CHURC1: variants seen among roughly 807,000 people sequenced by gnomAD.
The protein encoded by CHURC1 is protein Churchill.
A neutral mutation model predicts 15.4 loss-of-function variants in CHURC1; 12 were observed. The observed-to-expected ratio is 0.78, with a 90% CI of 0.50 to 1.27. CHURC1 has a LOEUF of 1.27. Ranked by LOEUF, CHURC1 falls within the 50% of genes most tolerant of loss-of-function variation. The pLI is 0.00. For missense variants in CHURC1, 132 were observed against 137.8 expected (o/e 0.96, Z 0.21); for synonymous variants, 42 against 47.5 (o/e 0.88, Z 0.48).
intron 1 of CHURC1, among the ~76,000 whole-genome samples, chr14:64,922,008 G>A (rs1884339746): frequency 6.6e-6 from 1 of 152,278 alleles, no homozygotes; most frequent in South Asian, 2.1e-4. Flanking sequence ...AAGGAAAATT[G>A]GATGCGGGAG....
At chr14:64,922,577 CAAAAAAAAAAAAA>C (rs572205182) in intron 1 of CHURC1, among the ~76,000 whole-genome samples, 1 of 84,032 alleles carries the variant, frequency 1.2e-5, no homozygotes, top group Non-Finnish European at 2.5e-5. Flanking sequence ...GACTCCGTCT[CAAAAAAAAAAAAA>C]AAAAAAAAAA....
At chr14:64,918,232 A>AT (rs1884025420) in intron 1 of CHURC1, among the ~76,000 whole-genome samples, 1 of 152,258 alleles carries the variant, frequency 6.6e-6, no homozygotes, top group Non-Finnish European at 1.5e-5. Context: ...ATGAAGAAGA[A>AT]TTAAACTTTT....
Position 64,933,304 on chromosome 14 carries a change from A to G in CHURC1, c.*1074A>G. 1 of 918,184 alleles carries G rather than the reference A, an allele frequency of 1.1e-6. No homozygotes were observed. Among genetic ancestry groups the G allele is most frequent in the South Asian group, 5.0e-5 (1 of 19,836 alleles). The allele number at this position is 918,184 out of a possible 1,614,324, so 56.9% of individuals were successfully genotyped here. A position where few individuals can be genotyped will look rare whatever the true frequency, so the allele number is the denominator to read the frequency against. On this transcript the variant is annotated 3_prime_UTR_variant, in exon 4 of 4. Coordinates refer to ENST00000549115, the MANE Select transcript of CHURC1 (RefSeq NM_001386928.1). ...GAATTATATACCACGAAAAGAAAAA[A>G]AGGTCATTTGGTAGAAACTAGGGAA...
At position 64,916,038 on chromosome 14, in the gene CHURC1, A is replaced by G. The variant is rs527307508; in HGVS notation, c.39+1504A>G. On this transcript the variant is annotated intron_variant, in intron 1 of 3. Coordinates refer to ENST00000549115, the MANE Select transcript of CHURC1 (RefSeq NM_001386928.1). ...GATGCCGCTAAACATCCAGCAATACATGGGACAGCCACCACAACAAAGTAT... is the reference window on the plus strand; with the variant it reads ...GATGCCGCTAAACATCCAGCAATACGTGGGACAGCCACCACAACAAAGTAT... 1.7e-3 allele frequency among the ~76,000 whole-genome samples: 263 copies of G among 152,330 alleles called. 1 individual carries two copies. The highest frequency in any genetic ancestry group is 2.5e-3 in the Admixed American group (38 of 15,302).
At chr14:64,927,837 G>A (rs1476896864) in intron 3 of CHURC1, among the ~76,000 whole-genome samples, 6 of 151,684 alleles carry the variant, frequency 4.0e-5, no homozygotes, top group Non-Finnish European at 7.4e-5. Context: ...TCAGGAGACT[G>A]AGGCAGGAGA....
intron 1 of CHURC1, among the ~76,000 whole-genome samples, chr14:64,921,899 A>G (rs1467306810): frequency 6.6e-6 from 1 of 152,210 alleles, no homozygotes; most frequent in African/African-American, 2.4e-5. Context: ...ATATCTACCA[A>G]CAGCTGAATC....
rs987979194 is a variant in CHURC1 at position 64,932,338 on chromosome 14, T to C, written c.*108T>C. On this transcript the variant is annotated 3_prime_UTR_variant, in exon 4 of 4. Transcript: ENST00000549115. ...ACTGAAAATTCTTTGCATATTTTTT[T>C]TCTGCTTAGACTTACTTATTCTTTG... The C allele has an allele frequency of 6.6e-7, 1 of 1,519,712 alleles. No homozygotes were observed. Among genetic ancestry groups the C allele is most frequent in the Admixed American group, 2.0e-5 (1 of 49,372 alleles). The allele number at this position is 1,519,712 out of a possible 1,614,324, so 94.1% of individuals were successfully genotyped here.
intron 3 of CHURC1, 62 bp downstream of exon 3, chr14:64,926,142 C>G (rs1000837619): frequency 1.7e-5 from 20 of 1,150,490 alleles, no homozygotes; most frequent in Non-Finnish European, 3.7e-6. Context: ...TAAAAGTGCT[C>G]TTGAGAATCT....
chr14:64,916,481 T>C (rs1566826542), intron 1 of CHURC1, among the ~76,000 whole-genome samples: 1 of 152,246 alleles, frequency 6.6e-6, no homozygotes, highest in Non-Finnish European at 1.5e-5. Flanking sequence ...TTTAAAAAGA[T>C]TTTTATGAAA....
Position 64,933,653 on chromosome 14 carries a change from G to A in CHURC1, c.*1423G>A. 1.0e-6 allele frequency: 1 copy of A among 985,372 alleles called. No homozygotes were observed. Among genetic ancestry groups the A allele is most frequent in the Non-Finnish European group, 1.2e-6 (1 of 829,912 alleles). 61.0% of individuals were successfully genotyped at this position (985,372 alleles called of 1,614,324 possible). On this transcript the variant is annotated 3_prime_UTR_variant, in exon 4 of 4. Transcript: ENST00000549115. Reference sequence around the variant, plus strand: ...TGTAAAGTACTAGAAACAATGAGGTGGCTTCAATTAGTGCTCATTCTGAGA... The same window carrying A: ...TGTAAAGTACTAGAAACAATGAGGTAGCTTCAATTAGTGCTCATTCTGAGA...
At chr14:64,924,575 G>A (rs1213337438) in intron 2 of CHURC1, 1 of 151,996 alleles carries the variant, frequency 6.6e-6, no homozygotes, top group African/African-American at 2.4e-5. Context: ...GGAATGCAGT[G>A]TTTTTTTCAG....
chr14:64,926,206 T>G, intron 3 of CHURC1, 126 bp downstream of exon 3: 4 of 354,442 alleles, frequency 1.1e-5, no homozygotes, highest in South Asian at 7.5e-5. Flanking sequence ...TAAAGGAGAC[T>G]ATGCCTTTTT....
rs762181692 is a variant in CHURC1 at position 64,932,216 on chromosome 14, ACT to A, written c.330_331del (p.Leu111IlefsTer47). 1.9e-6 allele frequency: 3 copies of A among 1,613,854 alleles called. No individual in the cohort carries two copies. The highest frequency in any genetic ancestry group is 1.7e-6 in the Non-Finnish European group (2 of 1,179,880). On this transcript the variant is annotated frameshift_variant, in exon 4 of 4. Transcript: ENST00000549115. LOFTEE classifies it high-confidence loss of function. Reference sequence around the variant, plus strand: ...TCTCCCTGATGACCCCCGACAAATGACTCTCTTATTCTAAGGATCCTTCTACA... The same window carrying A: ...TCTCCCTGATGACCCCCGACAAATGACTCTTATTCTAAGGATCCTTCTACA... The part of the protein sequence containing the change: ...SILPDDPRQM[T>X]LLF
In CHURC1 at chr14:64,933,332, C is replaced by G. The variant is rs986190210; in HGVS notation, c.*1102C>G. 7 of 977,884 alleles carry G rather than the reference C, an allele frequency of 7.2e-6. No individual in the cohort carries two copies. The African/African-American group carries it at 1.2e-4, about 17-fold the overall frequency. The allele number at this position is 977,884 out of a possible 1,614,324, so 60.6% of individuals were successfully genotyped here. On this transcript the variant is annotated 3_prime_UTR_variant, in exon 4 of 4. Transcript: ENST00000549115. ...GTCATTTGGTAGAAACTAGGGAAAT[C>G]TGAATACAGTGTGGACTTCAGTTAA...
intron 3 of CHURC1, among the ~76,000 whole-genome samples, chr14:64,929,947 C>CT (rs111825864): frequency 2.0e-5 from 3 of 151,220 alleles, no homozygotes; most frequent in Non-Finnish European, 2.9e-5. Flanking sequence ...AAGCCCCCCC[C>CT]CACACACACA....
At chr14:64,920,618 C>G (rs1884214686) in intron 1 of CHURC1, among the ~76,000 whole-genome samples, 1 of 152,228 alleles carries the variant, frequency 6.6e-6, no homozygotes, top group Non-Finnish European at 1.5e-5. Flanking sequence ...ATAGATACTT[C>G]TCTTCCTTCA....
Position 64,933,539 on chromosome 14 carries a change from T to C in CHURC1, c.*1309T>C. Reference sequence around the variant, plus strand: ...CTTTATTGTCCTGTTTCTATCAAATTGGACTAACAAAAATTGATATAATAC... The same window carrying C: ...CTTTATTGTCCTGTTTCTATCAAATCGGACTAACAAAAATTGATATAATAC... On this transcript the variant is annotated 3_prime_UTR_variant, in exon 4 of 4. Transcript: ENST00000549115. The C allele has an allele frequency of 1.0e-6, 1 of 978,926 alleles. No individual in the cohort carries two copies. Among genetic ancestry groups the C allele is most frequent in the Non-Finnish European group, 1.2e-6 (1 of 824,116 alleles). 60.6% of individuals were successfully genotyped at this position (978,926 alleles called of 1,614,324 possible).
chr14:64,924,120 T>G lies in CHURC1; in HGVS notation c.169T>G (p.Tyr57Asp). 1 of 1,607,750 alleles carries G rather than the reference T, an allele frequency of 6.2e-7. No homozygotes were observed. The highest frequency in any genetic ancestry group is 8.5e-7 in the Non-Finnish European group (1 of 1,176,766). The part of the protein sequence containing the change: ...KEEDGEEIVT[Y>D]DHLCKNCHHV... ...AGAAGATGGAGAAGAAATAGTTACC[T>G]ATGATCGTAAGTAGACTTTATTTTT... is the stretch of plus-strand genomic sequence containing the variant. The change falls in exon 2 of 4, where the codon TAT (tyrosine) becomes GAT (aspartate). Residue 57 changes from tyrosine (Y) to aspartate (D), a missense_variant. Transcript: ENST00000549115.
chr14:64,917,075 A>G (rs962388502), intron 1 of CHURC1, among the ~76,000 whole-genome samples: 13 of 152,222 alleles, frequency 8.5e-5, no homozygotes, highest in Non-Finnish European at 1.8e-4. Context: ...ACAGAACTCC[A>G]CAGGGCATTT....
Sources: allele counts gnomAD v4.1 joint callset (sites outside exome capture counted in the v4.1 genomes callset), GRCh38; gene constraint gnomAD v4.1.1; transcripts MANE v1.5; gene names NCBI Gene and HGNC (gene_info 2026-07-23, HGNC 2026-07-21).